The following CIDEC variants were observed in gnomAD, a reference collection of about 807,000 sequenced individuals.
CIDEC encodes lipid transferase CIDEC.
Under a neutral mutation model 21.9 loss-of-function variants are expected in CIDEC, and 11 were observed. The observed-to-expected ratio is 0.50, with a 90% CI of 0.32 to 0.83. The LOEUF is 0.83. CIDEC is among the 40% of genes least tolerant of loss of function. CIDEC has a pLI of 0.04. For missense variants in CIDEC, 302 were observed against 302.3 expected (o/e 1.00, Z 0.01); for synonymous variants, 127 against 124.9 (o/e 1.02, Z -0.11).
At position 9,876,334 on chromosome 3, in the gene CIDEC, C is replaced by T. The variant is rs1013705345; in HGVS notation, c.207+732G>A. On this transcript the variant is annotated intron_variant, in intron 4 of 6. Coordinates refer to ENST00000336832, the MANE Select transcript of CIDEC (RefSeq NM_001321142.2). Reference sequence around the variant, plus strand: ...ACTAAAAATACAAAAATTAACTGGGCGTGGTGGTGCATGCCTGTAGTCCCA... The same window carrying T: ...ACTAAAAATACAAAAATTAACTGGGTGTGGTGGTGCATGCCTGTAGTCCCA... 6.6e-5 allele frequency among the ~76,000 whole-genome samples: 10 copies of T among 152,022 alleles called. No individual in the cohort carries two copies. The South Asian group carries it at 8.3e-4, about 13-fold the overall frequency.
Position 9,867,199 on chromosome 3 carries a change from C to A in CIDEC, c.652G>T (p.Glu218Ter). ...YLQQLLDATE[E>*]GQPPKGKASS... ...GCCTTGCCCTTGGGGGGCTGCCCTTCCTCCGTAGCATCGAGGAGCTGCTGC... is the reference window on the plus strand; with the variant it reads ...GCCTTGCCCTTGGGGGGCTGCCCTTACTCCGTAGCATCGAGGAGCTGCTGC... Residue 218 changes from glutamate to a stop codon, truncating the protein, a stop_gained, in exon 7 of 7, where the codon GAA (glutamate) becomes TAA (stop). Coordinates refer to ENST00000336832, the MANE Select transcript of CIDEC (RefSeq NM_001321142.2). LOFTEE classifies it high-confidence loss of function. The A allele has an allele frequency of 6.2e-7, 1 of 1,614,120 alleles. No homozygotes were observed. Among genetic ancestry groups the A allele is most frequent in the Non-Finnish European group, 8.5e-7 (1 of 1,180,046 alleles).
intron 5 of CIDEC, 43 bp from the exon 6 acceptor site, chr3:9,870,112 C>T: frequency 6.2e-7 from 1 of 1,614,098 alleles, no homozygotes; most frequent in Non-Finnish European, 8.5e-7. Context: ...TTGAAGACAT[C>T]TCCCAGAGTC....
Position 9,869,964 on chromosome 3 carries a change from A to G in CIDEC, c.472T>C (p.Cys158Arg). The part of the protein sequence containing the change: ...YKLNPQDFIG[C>R]LNVKATFYDT... ...TAAAAAGTCGCCTTCACGTTCAGGC[A>G]GCCAATGAAGTCCTGTGGGTTCAGC... The change falls in exon 6 of 7, where the codon TGC (cysteine) becomes CGC (arginine). Residue 158 changes from cysteine (C) to arginine (R), a missense_variant. By Grantham distance (180) the Cys-to-Arg change is radical. Coordinates refer to ENST00000336832, the MANE Select transcript of CIDEC (RefSeq NM_001321142.2). 1 of 1,614,244 alleles carries G rather than the reference A, an allele frequency of 6.2e-7. No homozygotes were observed.
Position 9,878,586 on chromosome 3 carries a change from C to A in CIDEC, c.-25-75G>T, listed in dbSNP as rs370106080. 2.0e-3 allele frequency: 2,764 copies of A among 1,378,408 alleles called. 61 individuals carry two copies. The South Asian group carries it at 0.028, about 14-fold the overall frequency. 85.4% of individuals were successfully genotyped at this position (1,378,408 alleles called of 1,614,324 possible). On this transcript the variant is annotated intron_variant, in intron 2 of 6. Transcript: ENST00000336832. ...ATCTCTCTCATTGTTAGGCAAGGTG[C>A]AACCCAACCCCTGTTCAGCAACCTT...
chr3:9,870,788 T>C lies in CIDEC; in HGVS notation c.208-466A>G, dbSNP rs562063052. Among the ~76,000 whole-genome samples, 4 of 152,204 alleles carry C rather than the reference T, an allele frequency of 2.6e-5. No homozygotes were observed. The South Asian group carries it at 8.3e-4, about 32-fold the overall frequency. On this transcript the variant is annotated intron_variant, in intron 4 of 6. Coordinates refer to ENST00000336832, the MANE Select transcript of CIDEC (RefSeq NM_001321142.2). ...CCGAGTAGCTGGGACTACAGTTGCA[T>C]GCCATTACTACCTGCCTAATGTTTA... is the stretch of plus-strand genomic sequence containing the variant.
In CIDEC at chr3:9,878,744, T is replaced by A. The variant is rs1277997503; in HGVS notation, c.-26+198A>T. The stretch of plus-strand genomic sequence containing the variant: ...ACCGGGTGCTCAGGCTCAGCCTCAC[T>A]CAGCAGCTGCTGCTCCTGCCCCAGT... On this transcript the variant is annotated intron_variant, in intron 2 of 6. Coordinates refer to ENST00000336832, the MANE Select transcript of CIDEC (RefSeq NM_001321142.2). 5.9e-6 allele frequency: 9 copies of A among 1,535,500 alleles called. No individual in the cohort carries two copies. The East Asian group carries it at 2.2e-4, about 38-fold the overall frequency.
chr3:9,877,443 T>C (rs1010033478), intron 3 of CIDEC, among the ~76,000 whole-genome samples: 6 of 152,102 alleles, frequency 3.9e-5, no homozygotes, highest in Non-Finnish European at 1.5e-5. Context: ...GCAGATCACT[T>C]GAAGTCAGGA....
At chr3:9,873,035 T>C (rs1166845857) in intron 4 of CIDEC, among the ~76,000 whole-genome samples, 1 of 152,052 alleles carries the variant, frequency 6.6e-6, no homozygotes, top group Non-Finnish European at 1.5e-5. Context: ...TTTGGTTTTG[T>C]TTTTGCTTAT....
At chr3:9,870,487 T>C in intron 4 of CIDEC, 165 bp from the exon 5 acceptor site, 1 of 1,525,624 alleles carries the variant, frequency 6.6e-7, no homozygotes, top group South Asian at 1.2e-5. Flanking sequence ...AGAATAATAT[T>C]GTCCAATAAA....
At chr3:9,876,094 G>C (rs1214312614) in intron 4 of CIDEC, among the ~76,000 whole-genome samples, 2 of 152,232 alleles carry the variant, frequency 1.3e-5, no homozygotes, top group Non-Finnish European at 2.9e-5. Flanking sequence ...ATGTTAAATA[G>C]AGCCTAATAA....
intron 4 of CIDEC, among the ~76,000 whole-genome samples, chr3:9,873,559 T>C (rs531499595): frequency 2.0e-4 from 30 of 152,140 alleles, no homozygotes; most frequent in African/African-American, 6.5e-4. Context: ...GAGCTTGCAG[T>C]GAGCTGAGAT....
At chr3:9,878,596 C>T in intron 2 of CIDEC, 85 bp from the exon 3 acceptor site, 2 of 1,320,868 alleles carry the variant, frequency 1.5e-6, no homozygotes, top group African/African-American at 1.4e-5. Context: ...CAACCCAACC[C>T]CTGTTCAGCA....
chr3:9,869,035 C>T (rs1013656328), intron 6 of CIDEC, among the ~76,000 whole-genome samples: 11 of 152,146 alleles, frequency 7.2e-5, no homozygotes, highest in Admixed American at 7.2e-4. Flanking sequence ...CACTGTGTTG[C>T]CGAGGCTGGT....
rs1396655229 is a variant in CIDEC at position 9,867,270 on chromosome 3, C to T, written c.581G>A (p.Ser194Asn). The stretch of plus-strand genomic sequence containing the variant: ...CAGTACGTGGCCTGTGGCCTGCATG[C>T]TGAAGAGGGCCCAGCGGAAAGCTTC... The part of the protein sequence containing the change: ...MKEAFRWALF[S>N]MQATGHVLLG... The change falls in exon 7 of 7, where the codon AGC becomes AAC. Residue 194 changes from serine (S) to asparagine (N), a missense_variant. Ser to Asn is a conservative substitution (Grantham distance 46). Transcript: ENST00000336832. The T allele has an allele frequency of 1.2e-6, 2 of 1,614,174 alleles. No homozygotes were observed. The highest frequency in any genetic ancestry group is 1.1e-5 in the South Asian group (1 of 91,088).
intron 4 of CIDEC, among the ~76,000 whole-genome samples, chr3:9,870,878 G>C (rs2082338695): frequency 6.6e-6 from 1 of 151,746 alleles, no homozygotes; most frequent in Admixed American, 6.6e-5. Flanking sequence ...TGCCTCAAGG[G>C]ATCCTTCTAC....
intron 6 of CIDEC, among the ~76,000 whole-genome samples, chr3:9,868,650 T>C (rs17222564): frequency 0.094 from 14,231 of 152,192 alleles, 792 homozygotes; most frequent in South Asian, 0.16. Context: ...TCTTGAGACA[T>C]TTGGTTAGAC....
intron 6 of CIDEC, among the ~76,000 whole-genome samples, chr3:9,867,595 G>C (rs1001579443): frequency 6.6e-6 from 1 of 152,178 alleles, no homozygotes; most frequent in Non-Finnish European, 1.5e-5. Flanking sequence ...ACTCCAGCCT[G>C]GGTGACAGAG....
intron 3 of CIDEC, chr3:9,878,020 G>A (rs980898662): frequency 1.5e-5 from 3 of 193,896 alleles, no homozygotes; most frequent in African/African-American, 7.0e-5. Context: ...GGAAAGGAAA[G>A]GACCTGGATT....
chr3:9,872,539 C>T (rs2082362710), intron 4 of CIDEC, among the ~76,000 whole-genome samples: 1 of 152,040 alleles, frequency 6.6e-6, no homozygotes, highest in Non-Finnish European at 1.5e-5. Context: ...CTACTCAAAT[C>T]CTTTGCGCAT....
Sources: allele counts gnomAD v4.1 joint callset (sites outside exome capture counted in the v4.1 genomes callset), GRCh38; gene constraint gnomAD v4.1.1; transcripts MANE v1.5; gene names NCBI Gene and HGNC (gene_info 2026-07-23, HGNC 2026-07-21).